ACBD6: variants seen among roughly 807,000 people sequenced by gnomAD.
ACBD6 encodes the protein acyl-CoA-binding domain-containing protein 6.
ACBD6 carries 28 observed loss-of-function variants against 37.2 expected under a neutral mutation model. The observed-to-expected ratio is 0.75, with a 90% confidence interval of 0.56 to 1.03. The LOEUF (loss-of-function observed/expected upper bound fraction) is 1.03. Among genes scored for constraint, ACBD6 ranks in the 50% least tolerant of loss-of-function variants. ACBD6 has a pLI of 0.00. For synonymous variants in ACBD6, 113 were observed against 126.8 expected, an observed-to-expected ratio of 0.89 and a Z score of 0.73; for missense variants, 340 against 337.4, an observed-to-expected ratio of 1.01 and a Z score of -0.06.
At chr1:180,339,333 A>C (rs138396062) in intron 6 of ACBD6, among the ~76,000 whole-genome samples, 1 of 152,230 alleles carries the variant, frequency 6.6e-6, no homozygotes, top group African/African-American at 2.4e-5. Context: ...CATATACACC[A>C]TGGAATACTA....
chr1:180,445,386 T>C (rs572465443), intron 3 of ACBD6, among the ~76,000 whole-genome samples: 1 of 152,300 alleles, frequency 6.6e-6, no homozygotes. Context: ...TACTTCGTTA[T>C]AAGAAAAAGA....
intron 6 of ACBD6, among the ~76,000 whole-genome samples, chr1:180,352,227 T>C (rs1469311660): frequency 6.6e-6 from 1 of 152,136 alleles, no homozygotes; most frequent in Non-Finnish European, 1.5e-5. Flanking sequence ...ATGGTAATGA[T>C]TGCACAACAA....
At chr1:180,360,343 G>A (rs1038388002) in intron 6 of ACBD6, among the ~76,000 whole-genome samples, 2 of 152,318 alleles carry the variant, frequency 1.3e-5, no homozygotes, top group African/African-American at 2.4e-5. Flanking sequence ...GCTCTCAGAT[G>A]TTAATGACTT....
intron 3 of ACBD6, 40 bp from the exon 4 acceptor site, chr1:180,430,302 G>A: frequency 6.7e-7 from 1 of 1,498,552 alleles, no homozygotes; most frequent in East Asian, 2.3e-5. Flanking sequence ...AAGACAAATG[G>A]GTTAAAACAA....
At chr1:180,425,072 T>C (rs988603604) in intron 4 of ACBD6, among the ~76,000 whole-genome samples, 16 of 152,190 alleles carry the variant, frequency 1.1e-4, no homozygotes, top group African/African-American at 3.9e-4. Context: ...GAAAAGCTCA[T>C]TAACTAAACC....
downstream of ACBD6, among the ~76,000 whole-genome samples, chr1:180,284,426 C>T (rs2764456): frequency 0.11 from 16,472 of 150,940 alleles, 1,297 homozygotes; most frequent in African/African-American, 0.22. Context: ...TGCAGTGGCG[C>T]GATCTTGGCT....
At chr1:180,328,314 T>C (rs775505112) in intron 6 of ACBD6, among the ~76,000 whole-genome samples, 14 of 151,790 alleles carry the variant, frequency 9.2e-5, no homozygotes, top group Non-Finnish European at 2.1e-4. Context: ...CACACATACA[T>C]ACACACATAC....
intron 2 of ACBD6, among the ~76,000 whole-genome samples, chr1:180,494,359 C>CA (rs1651643812): frequency 6.6e-6 from 1 of 152,108 alleles, no homozygotes; most frequent in African/African-American, 2.4e-5. Context: ...ACAAAAAACT[C>CA]ACTGTCAACG....
chr1:180,335,461 T>C (rs2149302905), intron 6 of ACBD6, among the ~76,000 whole-genome samples: 1 of 152,206 alleles, frequency 6.6e-6, no homozygotes, highest in East Asian at 1.9e-4. Flanking sequence ...AAGCAAATGC[T>C]GAGAGATTTT....
At chr1:180,442,554 C>T (rs1004116092) in intron 3 of ACBD6, among the ~76,000 whole-genome samples, 28 of 152,142 alleles carry the variant, frequency 1.8e-4, no homozygotes, top group Non-Finnish European at 2.9e-5. Flanking sequence ...TTTCTGTCTT[C>T]TCTCACTTTT....
intron 3 of ACBD6, chr1:180,438,514 T>C (rs2102009378): frequency 6.5e-6 from 1 of 152,892 alleles, no homozygotes; most frequent in East Asian, 1.9e-4. Flanking sequence ...GGTAATTATT[T>C]GCTGTGAAAT....
chr1:180,433,574 CTG>C (rs61101474), intron 3 of ACBD6, among the ~76,000 whole-genome samples: 6,858 of 149,532 alleles, frequency 0.046, 184 homozygotes, highest in South Asian at 0.071. Flanking sequence ...TGGTGTTATG[CTG>C]TGTGTGTGTG....
intron 1 of ACBD6, among the ~76,000 whole-genome samples, chr1:180,501,155 T>C (rs943877184): frequency 6.6e-6 from 1 of 152,218 alleles, no homozygotes; most frequent in African/African-American, 2.4e-5. Flanking sequence ...GCCTACTCTC[T>C]ATGGCCTTCA....
At chr1:180,291,556 T>G (rs990530184) in intron 7 of ACBD6, among the ~76,000 whole-genome samples, 2 of 152,192 alleles carry the variant, frequency 1.3e-5, no homozygotes, top group African/African-American at 2.4e-5. Context: ...TTAATAAGGT[T>G]GTCATTTTCT....
Position 180,452,413 on chromosome 1 carries a change from G to T in ACBD6, c.385-22151C>A, listed in dbSNP as rs536569316. Among the ~76,000 whole-genome samples, 13 of 152,158 alleles carry T rather than the reference G, an allele frequency of 8.5e-5. No homozygotes were observed. The East Asian group carries it at 2.3e-3, about 27-fold the overall frequency. On this transcript the variant is annotated intron_variant, in intron 3 of 7. Transcript: ENST00000367595. ...TGAAACCTAGGAGGCGAAGGTTGTGGTGAGCCGAGATCATGCCACTGTACT... is the reference window on the plus strand; with the variant it reads ...TGAAACCTAGGAGGCGAAGGTTGTGTTGAGCCGAGATCATGCCACTGTACT...
At chr1:180,397,702 T>C (rs1654315489) in intron 5 of ACBD6, 97 bp from the exon 6 acceptor site, 1 of 1,043,722 alleles carries the variant, frequency 9.6e-7, no homozygotes, top group Admixed American at 1.8e-5. Flanking sequence ...TAAAAAATTA[T>C]GGGTTAATTA....
intron 3 of ACBD6, chr1:180,435,754 A>G: frequency 1.2e-6 from 1 of 848,974 alleles, no homozygotes; most frequent in Admixed American, 1.7e-5. Flanking sequence ...ACTTCAGAAT[A>G]GCAGCCAAGT....
At chr1:180,473,103 G>A (rs1401418529) in intron 3 of ACBD6, among the ~76,000 whole-genome samples, 1 of 152,154 alleles carries the variant, frequency 6.6e-6, no homozygotes, top group African/African-American at 2.4e-5. Flanking sequence ...GATTTAATCA[G>A]CTATTGTATA....
chr1:180,362,512 A>C (rs544018913), intron 6 of ACBD6, among the ~76,000 whole-genome samples: 81 of 152,226 alleles, frequency 5.3e-4, no homozygotes, highest in Non-Finnish European at 1.0e-3. Context: ...AATATGCTTT[A>C]ATAATTAGAA....
Sources: allele counts gnomAD v4.1 joint callset (sites outside exome capture counted in the v4.1 genomes callset), GRCh38; gene constraint gnomAD v4.1.1; transcripts MANE v1.5; gene names NCBI Gene and HGNC (gene_info 2026-07-23, HGNC 2026-07-21).